LRRC69: variants seen among roughly 807,000 people sequenced by gnomAD.
The protein encoded by LRRC69 is leucine rich repeat containing 69.
LRRC69 carries 42 observed loss-of-function variants against 37.8 expected under a neutral mutation model. The observed-to-expected ratio is 1.11, with a 90% confidence interval of 0.87 to 1.44. The LOEUF (loss-of-function observed/expected upper bound fraction) is 1.44, where lower values mean the gene tolerates loss of function less well. Among genes scored for constraint, LRRC69 ranks in the 40% most tolerant of loss-of-function variants. The pLI, the probability that LRRC69 is intolerant of heterozygous loss-of-function variation, is 0.00. For missense variants in LRRC69, 357 were observed against 401.9 expected (o/e 0.89, Z 0.96); for synonymous variants, 141 against 143.1 (o/e 0.99, Z 0.11).
intron 5 of LRRC69, among the ~76,000 whole-genome samples, chr8:91,152,607 T>TA (rs1808760969): frequency 1.3e-5 from 2 of 151,292 alleles, no homozygotes; most frequent in South Asian, 4.1e-4. Context: ...TCTTGGCTGT[T>TA]AGAGTTCTTT....
Position 91,169,821 on chromosome 8 carries a change from A to G in LRRC69, c.652-19701A>G, listed in dbSNP as rs1435117765. ...AGTTTACTGAAAATGATGATTTCCA[A>G]TTTCATCCATGTCCCTACAAAGGAC... On this transcript the variant is annotated intron_variant, in intron 5 of 7. Transcript: ENST00000448384. Among the ~76,000 whole-genome samples the G allele has an allele frequency of 1.5e-3, 203 of 138,044 alleles. 2 individuals carry two copies. Among genetic ancestry groups the G allele is most frequent in the Non-Finnish European group, 2.6e-3 (169 of 64,388 alleles). The allele number at this position is 138,044 out of a possible 152,430, so 90.6% of individuals were successfully genotyped here.
chr8:91,153,717 G>A (rs1183662870), intron 5 of LRRC69, among the ~76,000 whole-genome samples: 2 of 151,914 alleles, frequency 1.3e-5, no homozygotes, highest in Non-Finnish European at 2.9e-5. Flanking sequence ...CTAAAGCAGT[G>A]ATAAGAGGGA....
chr8:91,184,048 G>A (rs574786104), intron 5 of LRRC69, among the ~76,000 whole-genome samples: 6 of 152,266 alleles, frequency 3.9e-5, no homozygotes, highest in Non-Finnish European at 7.4e-5. Flanking sequence ...TTCGGAGGTC[G>A]AATTGGGTGA....
intron 5 of LRRC69, among the ~76,000 whole-genome samples, chr8:91,173,464 TTC>T (rs1307113123): frequency 1.3e-5 from 2 of 152,322 alleles, no homozygotes; most frequent in South Asian, 2.1e-4. Context: ...CTCTTATCAT[TTC>T]TAAGTTTTGG....
intron 1 of LRRC69, among the ~76,000 whole-genome samples, chr8:91,107,850 AT>A (rs1218233726): frequency 6.6e-6 from 1 of 152,004 alleles, no homozygotes; most frequent in Non-Finnish European, 1.5e-5. Context: ...GATGTCAACA[AT>A]TTTCAGAGAA....
At chr8:91,120,419 G>A (rs578203128) in intron 1 of LRRC69, among the ~76,000 whole-genome samples, 94 of 152,216 alleles carry the variant, frequency 6.2e-4, no homozygotes, top group African/African-American at 2.2e-3. Context: ...AGGAGTGAGG[G>A]AATCTGGACA....
At chr8:91,177,436 T>A (rs1809251319) in intron 5 of LRRC69, among the ~76,000 whole-genome samples, 1 of 152,162 alleles carries the variant, frequency 6.6e-6, no homozygotes, top group Admixed American at 6.6e-5. Context: ...TTTATTTGTA[T>A]CAAATATGAT....
chr8:91,166,286 T>C, intron 5 of LRRC69, among the ~76,000 whole-genome samples: 1 of 151,712 alleles, frequency 6.6e-6, no homozygotes. Flanking sequence ...CTCCAGCATG[T>C]TCCTCCACCT....
chr8:91,127,431 C>T (rs1424767283), intron 3 of LRRC69, among the ~76,000 whole-genome samples: 1 of 151,800 alleles, frequency 6.6e-6, no homozygotes, highest in Non-Finnish European at 1.5e-5. Flanking sequence ...TTTCCCAACT[C>T]TGAGGTTCTT....
intron 5 of LRRC69, among the ~76,000 whole-genome samples, chr8:91,177,025 C>G (rs1420154289): frequency 3.3e-5 from 5 of 152,024 alleles, no homozygotes; most frequent in African/African-American, 7.3e-5. Context: ...ACTGTGTGGT[C>G]ATTTTATTAA....
intron 7 of LRRC69, chr8:91,206,720 A>G: frequency 2.3e-6 from 3 of 1,289,774 alleles, no homozygotes; most frequent in Non-Finnish European, 3.0e-6. Flanking sequence ...AAGCAACAAC[A>G]GCCAGAATTT....
At position 91,192,726 on chromosome 8, in the gene LRRC69, T is replaced by A. The variant is rs1042429340; in HGVS notation, c.753+3103T>A. Among the ~76,000 whole-genome samples the A allele has an allele frequency of 5.4e-4, 82 of 152,134 alleles. No homozygotes were observed. In the South Asian group the frequency reaches 0.014, roughly 27 times the overall value. On this transcript the variant is annotated intron_variant, in intron 6 of 7. Coordinates refer to ENST00000448384, the Ensembl canonical transcript of LRRC69. Reference sequence around the variant, plus strand: ...TTTTCTTGTAAATTTGTTTGAGTTCTTTGTAGATTCTGGATATTAGCCCTT... The same window carrying A: ...TTTTCTTGTAAATTTGTTTGAGTTCATTGTAGATTCTGGATATTAGCCCTT...
intron 4 of LRRC69, among the ~76,000 whole-genome samples, chr8:91,135,411 T>C (rs757138886): frequency 3.9e-5 from 6 of 152,018 alleles, no homozygotes; most frequent in Admixed American, 1.3e-4. Flanking sequence ...GAGGTGAGAT[T>C]TCAACCTAGA....
At chr8:91,167,664 C>T (rs1809053280) in intron 5 of LRRC69, among the ~76,000 whole-genome samples, 1 of 151,952 alleles carries the variant, frequency 6.6e-6, no homozygotes, top group South Asian at 2.1e-4. Context: ...CTGCTAATTC[C>T]CATAATGTAA....
chr8:91,126,105 G>A (rs184204466), intron 2 of LRRC69, among the ~76,000 whole-genome samples: 5 of 152,058 alleles, frequency 3.3e-5, no homozygotes, highest in Admixed American at 2.0e-4. Context: ...GATGATTCAA[G>A]GTCAGAAGTA....
chr8:91,176,134 A>ATATATATATGTATTTTTTTT, intron 5 of LRRC69, among the ~76,000 whole-genome samples: 1 of 75,710 alleles, frequency 1.3e-5, no homozygotes. Flanking sequence ...ATATATATAT[A>ATATATATATGTATTTTTTTT]TTTTTTTTTT....
intron 6 of LRRC69, among the ~76,000 whole-genome samples, chr8:91,192,627 G>T (rs1809519293): frequency 6.6e-6 from 1 of 151,904 alleles, no homozygotes; most frequent in South Asian, 2.1e-4. Context: ...TGTGTTTTTT[G>T]GCTGCATAAA....
chr8:91,183,422 G>T (rs542512956), intron 5 of LRRC69, among the ~76,000 whole-genome samples: 1 of 152,258 alleles, frequency 6.6e-6, no homozygotes, highest in African/African-American at 2.4e-5. Context: ...TTTGAAAATG[G>T]TGATGGAGTT....
chr8:91,134,849 TCGTAACA>T (rs1231385503), intron 4 of LRRC69, among the ~76,000 whole-genome samples: 1 of 152,060 alleles, frequency 6.6e-6, no homozygotes, highest in Non-Finnish European at 1.5e-5. Flanking sequence ...CCTTAACCCT[TCGTAACA>T]CTTCTCATTC....
Sources: allele counts gnomAD v4.1 joint callset (sites outside exome capture counted in the v4.1 genomes callset), GRCh38; gene constraint gnomAD v4.1.1; transcripts MANE v1.5; gene names NCBI Gene and HGNC (gene_info 2026-07-23, HGNC 2026-07-21).